The following MAMDC2 variants were observed in gnomAD, a reference collection of about 807,000 sequenced individuals.
The protein encoded by MAMDC2 is MAM domain containing 2.
A neutral mutation model predicts 89.8 loss-of-function variants in MAMDC2; 57 were observed. The observed-to-expected ratio is 0.63, with a 90% confidence interval of 0.51 to 0.79. The LOEUF is 0.79. Ranked by LOEUF, MAMDC2 falls within the 30% of genes least tolerant of loss-of-function variation. The pLI is 0.00. For synonymous variants in MAMDC2, 313 were observed against 293.4 expected (o/e 1.07, Z -0.68); for missense variants, 800 against 820.6 (o/e 0.97, Z 0.31).
intron 5 of MAMDC2, among the ~76,000 whole-genome samples, chr9:70,122,154 GA>G (rs1380845952): frequency 6.6e-6 from 1 of 152,186 alleles, no homozygotes; most frequent in African/African-American, 2.4e-5. Flanking sequence ...ATGATGGAAA[GA>G]AAAAGGGTAC....
chr9:70,214,718 C>T (rs779598535), intron 11 of MAMDC2, among the ~76,000 whole-genome samples: 10 of 152,194 alleles, frequency 6.6e-5, no homozygotes, highest in Non-Finnish European at 1.5e-4. Context: ...AGGGTGATAG[C>T]AGTGGAGGCG....
At chr9:70,062,332 C>G (rs187889573) in intron 2 of MAMDC2, among the ~76,000 whole-genome samples, 2,209 of 152,092 alleles carry the variant, frequency 0.015, 19 homozygotes, top group Admixed American at 0.022. Flanking sequence ...AGCCCTCTAC[C>G]AGGGCAATAG....
chr9:70,179,279 G>A (rs1193612612), intron 11 of MAMDC2, among the ~76,000 whole-genome samples: 2 of 152,054 alleles, frequency 1.3e-5, no homozygotes, highest in Non-Finnish European at 2.9e-5. Flanking sequence ...TTGGGAGGCT[G>A]AGGCAGGCGG....
rs1330158364 is a variant in MAMDC2 at position 70,044,012 on chromosome 9, T to C, written c.-186T>C. On this transcript the variant is annotated 5_prime_UTR_variant, in exon 1 of 14. Transcript: ENST00000377182. ...CTCTCCATTCGAGCACCTTCCAGCA[T>C]ACCGCTCGGCTCCGGGAGCCGCTCT... The C allele has an allele frequency of 6.0e-6, 4 of 664,730 alleles. No homozygotes were observed. In the Admixed American group the frequency reaches 7.8e-5, roughly 13 times the overall value. 41.2% of individuals were successfully genotyped at this position (664,730 alleles called of 1,614,324 possible).
chr9:70,126,525 TCTG>T, intron 6 of MAMDC2, 110 bp downstream of exon 6: 1 of 1,150,388 alleles, frequency 8.7e-7, no homozygotes, highest in Non-Finnish European at 1.2e-6. Flanking sequence ...GTCTGTCTTT[TCTG>T]CTGTGCCTCA....
chr9:70,166,350 C>T lies in MAMDC2; in HGVS notation c.1405-2352C>T, dbSNP rs975634196. On this transcript the variant is annotated intron_variant, in intron 9 of 13. Coordinates refer to ENST00000377182, the MANE Select transcript of MAMDC2 (RefSeq NM_153267.5). ...ATATATATACACACATATATATACA[C>T]ACACACACATATAAATATAGAAAGA... 2.0e-5 allele frequency among the ~76,000 whole-genome samples: 3 copies of T among 151,408 alleles called. No individual in the cohort carries two copies. In the South Asian group the frequency reaches 6.3e-4, roughly 32 times the overall value.
chr9:70,182,502 GTAGGCTAT>G (rs1269964477), intron 11 of MAMDC2, among the ~76,000 whole-genome samples: 2 of 152,086 alleles, frequency 1.3e-5, no homozygotes, highest in Non-Finnish European at 2.9e-5. Flanking sequence ...TTTTTGGTTG[GTAGGCTAT>G]TAATTACTGC....
chr9:70,192,475 G>T (rs1320801777), intron 11 of MAMDC2, among the ~76,000 whole-genome samples: 1 of 152,182 alleles, frequency 6.6e-6, no homozygotes, highest in Non-Finnish European at 1.5e-5. Context: ...TGACTGTTCT[G>T]CCCAAGGCCT....
chr9:70,212,130 G>A (rs1322547522), intron 11 of MAMDC2, among the ~76,000 whole-genome samples: 1 of 152,206 alleles, frequency 6.6e-6, no homozygotes, highest in Non-Finnish European at 1.5e-5. Context: ...CTCCATGCTG[G>A]GAGAACCACT....
chr9:70,211,614 T>G (rs1180685673), intron 11 of MAMDC2, among the ~76,000 whole-genome samples: 1 of 151,218 alleles, frequency 6.6e-6, no homozygotes. Flanking sequence ...GTCTGAAGCC[T>G]TCTTCTCTCA....
chr9:70,131,124 G>A (rs1335053840), intron 6 of MAMDC2, among the ~76,000 whole-genome samples: 1 of 152,156 alleles, frequency 6.6e-6, no homozygotes, highest in Non-Finnish European at 1.5e-5. Flanking sequence ...GGTCCATATG[G>A]CACCTACTCA....
At chr9:70,054,971 G>A (rs1029172991) in intron 2 of MAMDC2, among the ~76,000 whole-genome samples, 7 of 152,082 alleles carry the variant, frequency 4.6e-5, no homozygotes, top group African/African-American at 1.7e-4. Context: ...CCAGCATTTT[G>A]GGAGGCTGAG....
chr9:70,076,212 G>A (rs905733183), intron 2 of MAMDC2, among the ~76,000 whole-genome samples: 1 of 152,152 alleles, frequency 6.6e-6, no homozygotes, highest in African/African-American at 2.4e-5. Context: ...CACGAGGTCA[G>A]GAGTTCAAGA....
chr9:70,185,419 G>A (rs539581134), intron 11 of MAMDC2, among the ~76,000 whole-genome samples: 6 of 152,200 alleles, frequency 3.9e-5, no homozygotes, highest in Admixed American at 2.0e-4. Flanking sequence ...TGTGCTGGGA[G>A]AATCCTCCCT....
chr9:70,154,688 T>C (rs965003739), intron 9 of MAMDC2, among the ~76,000 whole-genome samples: 3 of 151,558 alleles, frequency 2.0e-5, no homozygotes, highest in African/African-American at 7.3e-5. Flanking sequence ...TTATTTTTCA[T>C]TTTTTGCAGA....
At chr9:70,044,269 T>G in intron 1 of MAMDC2, 38 bp downstream of exon 1, 1 of 1,603,886 alleles carries the variant, frequency 6.2e-7, no homozygotes, top group Non-Finnish European at 8.5e-7. Context: ...GGGGGCGCTC[T>G]GACGACTCGC....
At chr9:70,139,066 A>G (rs1363123893) in intron 7 of MAMDC2, among the ~76,000 whole-genome samples, 1 of 151,968 alleles carries the variant, frequency 6.6e-6, no homozygotes, top group Non-Finnish European at 1.5e-5. Flanking sequence ...TGAATTGTGA[A>G]GAAGTATATG....
At chr9:70,142,957 G>T (rs879383137) in intron 8 of MAMDC2, among the ~76,000 whole-genome samples, 1 of 152,084 alleles carries the variant, frequency 6.6e-6, no homozygotes, top group Non-Finnish European at 1.5e-5. Flanking sequence ...TCTTTATGTT[G>T]TTTAGGAGGA....
At chr9:70,046,899 G>C (rs147737473) in intron 2 of MAMDC2, among the ~76,000 whole-genome samples, 1 of 152,202 alleles carries the variant, frequency 6.6e-6, no homozygotes, top group Admixed American at 6.5e-5. Context: ...GAACTTGGAC[G>C]TAACAGTGTA....
Sources: gnomAD v4.1 joint callset for allele counts (sites outside exome capture counted in the v4.1 genomes callset) on GRCh38, gnomAD v4.1.1 for gene constraint, MANE v1.5 for transcripts, NCBI Gene and HGNC (gene_info 2026-07-23, HGNC 2026-07-21) for gene names.